ZNF618: variants seen among roughly 807,000 people sequenced by gnomAD.
ZNF618 encodes the protein neural precursor cell expressed, developmentally down-regulated 10.
A neutral mutation model predicts 103.0 loss-of-function variants in ZNF618; 34 were observed. That is an observed-to-expected ratio of 0.33 (90% confidence interval 0.25 to 0.44). ZNF618 has a LOEUF of 0.44. Among genes scored for constraint, ZNF618 ranks in the 20% least tolerant of loss-of-function variants. The pLI, the probability that ZNF618 is intolerant of heterozygous loss-of-function variation, is 1.00. For synonymous variants in ZNF618, 551 were observed against 542.2 expected (o/e 1.02, Z -0.23); for missense variants, 1,059 against 1,295.4 (o/e 0.82, Z 2.80).
intron 1 of ZNF618, among the ~76,000 whole-genome samples, chr9:113,907,893 C>G (rs934536417): frequency 1.3e-5 from 2 of 152,148 alleles, no homozygotes; most frequent in Non-Finnish European, 2.9e-5. Flanking sequence ...GAGAGCTGCC[C>G]CCTTCAGAAT....
chr9:113,959,229 G>A (rs1836609642), intron 1 of ZNF618, among the ~76,000 whole-genome samples: 1 of 152,080 alleles, frequency 6.6e-6, no homozygotes, highest in Non-Finnish European at 1.5e-5. Flanking sequence ...GGAGGTTGCG[G>A]TGAGCCGAGA....
chr9:114,008,363 C>A lies in ZNF618; in HGVS notation c.660C>A (p.Ala220=), dbSNP rs747418775. 1 of 1,613,918 alleles carries A rather than the reference C, an allele frequency of 6.2e-7. No homozygotes were observed. Among genetic ancestry groups the A allele is most frequent in the Non-Finnish European group, 8.5e-7 (1 of 1,179,866 alleles). The change falls in exon 8 of 15, where the codon GCC becomes GCA. Residue 220 remains alanine, a synonymous_variant. Coordinates refer to ENST00000374126, the MANE Select transcript of ZNF618 (RefSeq NM_001318042.2). Reference sequence around the variant, plus strand: ...GCGCAGTGTTTAGTGTGGAAGGGGCCCCTGAGAACCGGGCAGGTAAGTCCT... The same window carrying A: ...GCGCAGTGTTTAGTGTGGAAGGGGCACCTGAGAACCGGGCAGGTAAGTCCT... ...HAVDVFSVEG[A]PENRADPFDQ...
chr9:114,046,977 A>G (rs964139051), intron 13 of ZNF618, among the ~76,000 whole-genome samples: 1 of 152,198 alleles, frequency 6.6e-6, no homozygotes, highest in Non-Finnish European at 1.5e-5. Flanking sequence ...CAGAACAGTA[A>G]TATTGAAAAC....
chr9:113,899,099 A>G (rs1830287990), intron 1 of ZNF618, among the ~76,000 whole-genome samples: 1 of 151,434 alleles, frequency 6.6e-6, no homozygotes, highest in African/African-American at 2.4e-5. Flanking sequence ...TGGCTTGTGC[A>G]TGACTCCTTT....
In ZNF618 at chr9:113,951,571, GTGTATA is replaced by G. The variant is rs1296222387; in HGVS notation, c.34-17542_34-17537del. ...CACATATGTGTGTGTATATGTGTGT[GTGTATA>G]TGTGTGTGTGTGTGTGTGTGTATAT... On this transcript the variant is annotated intron_variant, in intron 1 of 14. Transcript: ENST00000374126. 7.1e-4 allele frequency among the ~76,000 whole-genome samples: 17 copies of G among 23,870 alleles called. 3 individuals are homozygous for G. The highest frequency in any genetic ancestry group is 9.3e-4 in the African/African-American group (11 of 11,850). The allele number at this position is 23,870 out of a possible 152,430, so 15.7% of individuals were successfully genotyped here. A position where few individuals can be genotyped will look rare whatever the true frequency, so the allele number is the denominator to read the frequency against.
chr9:113,981,390 G>T (rs1233448524), intron 2 of ZNF618, among the ~76,000 whole-genome samples: 1 of 152,188 alleles, frequency 6.6e-6, no homozygotes, highest in African/African-American at 2.4e-5. Flanking sequence ...TCTGGCCTGT[G>T]TAAGGGCCTT....
chr9:113,955,493 T>A (rs897482403), intron 1 of ZNF618, among the ~76,000 whole-genome samples: 1 of 152,158 alleles, frequency 6.6e-6, no homozygotes, highest in African/African-American at 2.4e-5. Flanking sequence ...ATTTTGCGTA[T>A]ACTATTTTGA....
At chr9:113,992,723 C>A (rs538285857) in intron 3 of ZNF618, among the ~76,000 whole-genome samples, 1 of 152,198 alleles carries the variant, frequency 6.6e-6, no homozygotes, top group Non-Finnish European at 1.5e-5. Context: ...TAATAGCCAT[C>A]AGACAAACAA....
chr9:113,986,210 C>T (rs979689982), intron 2 of ZNF618, among the ~76,000 whole-genome samples: 1 of 152,172 alleles, frequency 6.6e-6, no homozygotes, highest in African/African-American at 2.4e-5. Flanking sequence ...AACCCTGTTA[C>T]CTCCATTTTG....
intron 2 of ZNF618, among the ~76,000 whole-genome samples, chr9:113,972,838 G>A (rs189616278): frequency 3.3e-4 from 51 of 152,288 alleles, no homozygotes; most frequent in Middle Eastern, 3.4e-3. Context: ...AGGCCGAGGC[G>A]GGCGGATCAC....
chr9:113,948,719 GGAAGCAGTGGGAGTCCCTGATGTT>G (rs1276436129), intron 1 of ZNF618, among the ~76,000 whole-genome samples: 10 of 152,322 alleles, frequency 6.6e-5, no homozygotes, highest in Admixed American at 1.3e-4. Context: ...GCCGTGTTGG[GGAAGCAGTGGGAGTCCCTGATGTT>G]GAAGCAGTGG....
intron 1 of ZNF618, 63 bp from the exon 2 acceptor site, chr9:113,969,054 G>A (rs538833601): frequency 3.2e-6 from 5 of 1,586,142 alleles, no homozygotes; most frequent in Middle Eastern, 1.7e-4. Context: ...TGATGGGGTG[G>A]CAGCAGGTCA....
chr9:113,920,928 GAC>G (rs374066529), intron 1 of ZNF618, among the ~76,000 whole-genome samples: 98 of 152,334 alleles, frequency 6.4e-4, no homozygotes, highest in East Asian at 6.4e-3. Flanking sequence ...AGCTGAGGGT[GAC>G]AGTGCTACCT....
rs1846255708 is a variant in ZNF618, at chr9:114,053,396, A to C, written c.*3229A>C. On this transcript the variant is annotated 3_prime_UTR_variant, in exon 15 of 15. Coordinates refer to ENST00000374126, the MANE Select transcript of ZNF618 (RefSeq NM_001318042.2). ...AGCCTTTGGGGGATCTGGGACCAGG[A>C]ATTTGGGCCGTTTCTACCATATTCT... The C allele has an allele frequency of 6.6e-6, 1 of 152,280 alleles. No homozygotes were observed. Among genetic ancestry groups the C allele is most frequent in the South Asian group, 2.1e-4 (1 of 4,824 alleles). 9.4% of individuals were successfully genotyped at this position (152,280 alleles called of 1,614,324 possible). A position where few individuals can be genotyped will look rare whatever the true frequency, so the allele number is the denominator to read the frequency against.
At chr9:114,001,007 CG>C (rs141262669) in intron 4 of ZNF618, among the ~76,000 whole-genome samples, 8,873 of 152,288 alleles carry the variant, frequency 0.058, 347 homozygotes, top group Non-Finnish European at 0.084. Flanking sequence ...CATTTGTCCA[CG>C]CTCCCTGGCT....
chr9:113,932,212 G>A (rs1021985565), intron 1 of ZNF618, among the ~76,000 whole-genome samples: 1 of 152,180 alleles, frequency 6.6e-6, no homozygotes, highest in Non-Finnish European at 1.5e-5. Context: ...AAACAGAGGC[G>A]TGCATGAAAT....
intron 1 of ZNF618, among the ~76,000 whole-genome samples, chr9:113,886,842 A>T (rs1829112715): frequency 6.6e-6 from 1 of 152,086 alleles, no homozygotes; most frequent in African/African-American, 2.4e-5. Context: ...GATTTCAAAG[A>T]CTTAGTAGAA....
chr9:114,020,120 A>T (rs1231001914), intron 10 of ZNF618, among the ~76,000 whole-genome samples: 1 of 152,148 alleles, frequency 6.6e-6, no homozygotes, highest in African/African-American at 2.4e-5. Flanking sequence ...ATTGCATTGC[A>T]CTGGTACTTT....
intron 11 of ZNF618, among the ~76,000 whole-genome samples, chr9:114,029,831 G>A (rs1463480502): frequency 1.3e-5 from 2 of 152,210 alleles, no homozygotes; most frequent in Admixed American, 1.3e-4. Flanking sequence ...TCTGGCTCCA[G>A]AGGGGTAAAC....
Sources: allele counts gnomAD v4.1 joint callset (sites outside exome capture counted in the v4.1 genomes callset), GRCh38; gene constraint gnomAD v4.1.1; transcripts MANE v1.5; gene names NCBI Gene and HGNC (gene_info 2026-07-23, HGNC 2026-07-21).